The following SPATA31G1 variants were observed in gnomAD, a reference collection of about 807,000 sequenced individuals.
SPATA31G1 encodes the protein spermatogenesis-associated protein 31G1.
chr9:35,042,428 G>A, the SPATA31G1 span: 1 of 1,614,258 alleles, frequency 6.2e-7, no homozygotes, highest in African/African-American at 1.3e-5. Flanking sequence ...GATGGTGGCA[G>A]CTTGGGAGGT....
the SPATA31G1 span, chr9:35,041,880 T>C: frequency 1.2e-5 from 2 of 172,216 alleles, no homozygotes; most frequent in African/African-American, 4.8e-5. Flanking sequence ...CTCAAAATAA[T>C]AACAATAAAT....
chr9:35,043,677 C>T, the SPATA31G1 span: 3 of 1,614,262 alleles, frequency 1.9e-6, no homozygotes, highest in Non-Finnish European at 2.5e-6. Flanking sequence ...CCCAGCTTCT[C>T]TGTCAGAACC....
At chr9:35,045,033 G>A in the SPATA31G1 span, 1 of 1,614,206 alleles carries the variant, frequency 6.2e-7, no homozygotes, top group Admixed American at 1.7e-5. Flanking sequence ...TGCCTCCAGA[G>A]CCCCTGGCCC....
the SPATA31G1 span, chr9:35,043,766 G>A: frequency 1.4e-5 from 23 of 1,614,054 alleles, no homozygotes; most frequent in Non-Finnish European, 1.7e-5. Context: ...AGAAACCTCA[G>A]GCCTCTGAGT....
the SPATA31G1 span, chr9:35,043,066 T>A: frequency 6.2e-7 from 1 of 1,614,094 alleles, no homozygotes; most frequent in Admixed American, 1.7e-5. Flanking sequence ...TCTGAGGGCC[T>A]CCTCAAGGCT....
chr9:35,042,347 C>A, the SPATA31G1 span: 2 of 1,614,068 alleles, frequency 1.2e-6, no homozygotes, highest in South Asian at 1.1e-5. Context: ...GCAGACACTG[C>A]GGCAGCAGCT....
the SPATA31G1 span, chr9:35,042,975 C>G: frequency 3.1e-6 from 5 of 1,614,062 alleles, no homozygotes; most frequent in South Asian, 3.3e-5. Flanking sequence ...ATCTCTGGAT[C>G]CACTGAAGCC....
At chr9:35,043,972 C>G in the SPATA31G1 span, 1 of 1,613,166 alleles carries the variant, frequency 6.2e-7, no homozygotes, top group Non-Finnish European at 8.5e-7. Flanking sequence ...GTCCCACCAG[C>G]ATCTGAGACA....
chr9:35,042,136 T>A, the SPATA31G1 span: 1 of 1,447,884 alleles, frequency 6.9e-7, no homozygotes, highest in Non-Finnish European at 9.1e-7. Flanking sequence ...AGAGGAAATT[T>A]TTTTTGGTTC....
At chr9:35,045,417 G>T in the SPATA31G1 span, 2 of 1,614,136 alleles carry the variant, frequency 1.2e-6, no homozygotes, top group Non-Finnish European at 1.7e-6. Flanking sequence ...TCTGGTCTCA[G>T]GCAAGAGAAA....
the SPATA31G1 span, chr9:35,042,935 GGAA>G: frequency 8.4e-5 from 135 of 1,614,174 alleles, no homozygotes; most frequent in African/African-American, 1.6e-3. Context: ...AGGAAGAAGG[GGAA>G]GAAGAGGAAG....
chr9:35,045,454 C>A, the SPATA31G1 span: 2 of 1,613,988 alleles, frequency 1.2e-6, no homozygotes, highest in East Asian at 2.2e-5. Flanking sequence ...TCATCCTCAG[C>A]CAAAAAGAGA....
the SPATA31G1 span, chr9:35,043,114 G>A: frequency 6.2e-7 from 1 of 1,614,194 alleles, no homozygotes; most frequent in African/African-American, 1.3e-5. Context: ...CAGCCCGTGA[G>A]CCCTTCCAGA....
At chr9:35,043,990 A>AG in the SPATA31G1 span, 1 of 1,613,074 alleles carries the variant, frequency 6.2e-7, no homozygotes, top group South Asian at 1.1e-5. Context: ...ACACCATGGA[A>AG]GGGCATGCAA....
the SPATA31G1 span, chr9:35,044,006 A>G: frequency 3.7e-6 from 6 of 1,613,252 alleles, no homozygotes; most frequent in Non-Finnish European, 5.1e-6. Context: ...TGCAAAGTAG[A>G]GAAAATATTT....
the SPATA31G1 span, chr9:35,044,695 G>A: frequency 1.9e-6 from 3 of 1,614,038 alleles, no homozygotes; most frequent in African/African-American, 2.7e-5. Flanking sequence ...CCAGCCCCCA[G>A]CTCACTCTCT....
the SPATA31G1 span, chr9:35,043,228 C>T: frequency 1.9e-6 from 3 of 1,614,200 alleles, no homozygotes; most frequent in East Asian, 6.7e-5. Context: ...TGGGGTCTCC[C>T]CTCTCTGCAC....
chr9:35,044,544 GTGT>G, the SPATA31G1 span: 1 of 1,614,154 alleles, frequency 6.2e-7, no homozygotes, highest in South Asian at 1.1e-5. Context: ...CTGTGTTCCT[GTGT>G]TCCCAGGTAG....
chr9:35,043,222 G>A, the SPATA31G1 span: 5 of 1,614,172 alleles, frequency 3.1e-6, no homozygotes, highest in Non-Finnish European at 4.2e-6. Context: ...CTCTTCTGGG[G>A]TCTCCCCTCT....
Sources: allele counts gnomAD v4.1 joint callset, GRCh38; gene constraint gnomAD v4.1.1; transcripts MANE v1.5; gene names NCBI Gene and HGNC (gene_info 2026-07-23, HGNC 2026-07-21).